The following CELF4 variants were observed in gnomAD, a reference collection of about 807,000 sequenced individuals.
CELF4 encodes CUGBP Elav-like family member 4, also known as CUG-BP- and ETR-3-like factor 4.
CELF4 carries 18 observed loss-of-function variants against 59.9 expected under a neutral mutation model. That is an observed-to-expected ratio of 0.30 (90% CI 0.21 to 0.45). The LOEUF (loss-of-function observed/expected upper bound fraction) is 0.45. Ranked by LOEUF, CELF4 falls within the 20% of genes least tolerant of loss-of-function variation. The probability of loss-of-function intolerance (pLI) is 1.00; values close to 1 mark genes in which losing one functional copy is unlikely to be tolerated. For missense variants in CELF4, 456 were observed against 689.0 expected, an observed-to-expected ratio of 0.66 and a Z score of 3.79; for synonymous variants, 261 against 267.1, an observed-to-expected ratio of 0.98 and a Z score of 0.22.
At chr18:37,265,075 C>T (rs557545504) in intron 9 of CELF4, among the ~76,000 whole-genome samples, 22 of 144,718 alleles carry the variant, frequency 1.5e-4, no homozygotes, top group Non-Finnish European at 2.5e-4. Flanking sequence ...TGTGGGTGTA[C>T]GTGTGTGTAC....
At chr18:37,427,036 A>AG (rs1301194063) in intron 2 of CELF4, among the ~76,000 whole-genome samples, 1 of 40,574 alleles carries the variant, frequency 2.5e-5, no homozygotes, top group Non-Finnish European at 5.7e-5. Flanking sequence ...CAGCAGGGAC[A>AG]CGGGGGGGGG....
At chr18:37,276,835 GT>G in intron 3 of CELF4, among the ~76,000 whole-genome samples, 1 of 152,338 alleles carries the variant, frequency 6.6e-6, no homozygotes, top group African/African-American at 2.4e-5. Context: ...CTCGCTAGAT[GT>G]TTGTGGATGA....
rs58900107 is a variant in CELF4 at position 37,434,410 on chromosome 18, C to G, written c.369+51115G>C. Among the ~76,000 whole-genome samples the G allele has an allele frequency of 2.4e-3, 360 of 152,296 alleles. 3 individuals are homozygous for G. The highest frequency in any genetic ancestry group is 7.6e-3 in the African/African-American group (317 of 41,558). ...AAGGACCGGAAGCCCAGAGCTAATT[C>G]TGCGGCTTGTTGGTCAGGGGCTGGT... On this transcript the variant is annotated intron_variant, in intron 2 of 12. Coordinates refer to ENST00000420428, the MANE Select transcript of CELF4 (RefSeq NM_020180.4).
intron 2 of CELF4, among the ~76,000 whole-genome samples, chr18:37,454,659 C>A (rs759211381): frequency 6.6e-6 from 1 of 152,130 alleles, no homozygotes; most frequent in Non-Finnish European, 1.5e-5. Flanking sequence ...AATGTCCATC[C>A]GGCATCAGGA....
intron 1 of CELF4, among the ~76,000 whole-genome samples, chr18:37,533,856 G>A (rs1353514388): frequency 6.6e-6 from 1 of 152,210 alleles, no homozygotes; most frequent in Non-Finnish European, 1.5e-5. Context: ...CTCTGACTTG[G>A]AAGGAAACCT....
At chr18:37,531,602 G>A (rs371012839) in intron 1 of CELF4, among the ~76,000 whole-genome samples, 99 of 152,148 alleles carry the variant, frequency 6.5e-4, no homozygotes, top group African/African-American at 1.9e-3. Flanking sequence ...TTGTTTTAAC[G>A]GCAAAACCTT....
At chr18:37,348,878 G>A (rs1041911118) in intron 2 of CELF4, among the ~76,000 whole-genome samples, 1 of 152,104 alleles carries the variant, frequency 6.6e-6, no homozygotes, top group Non-Finnish European at 1.5e-5. Context: ...GGCCACCCTG[G>A]GGCTGCTTAG....
chr18:37,549,458 G>A (rs1043220391), intron 1 of CELF4, among the ~76,000 whole-genome samples: 11 of 152,186 alleles, frequency 7.2e-5, no homozygotes, highest in Non-Finnish European at 1.3e-4. Flanking sequence ...CTGCCTGCCT[G>A]GTCAGCAGGT....
intron 1 of CELF4, among the ~76,000 whole-genome samples, chr18:37,509,206 A>G (rs1438614925): frequency 2.0e-5 from 3 of 152,224 alleles, no homozygotes; most frequent in Non-Finnish European, 2.9e-5. Context: ...AAAGATTAGC[A>G]CCTGCAACCA....
intron 2 of CELF4, among the ~76,000 whole-genome samples, chr18:37,449,479 G>T (rs942849372): frequency 4.6e-5 from 7 of 152,140 alleles, no homozygotes; most frequent in Non-Finnish European, 7.3e-5. Context: ...AGCTTGCAGG[G>T]TTCTTTGAGA....
intron 2 of CELF4, among the ~76,000 whole-genome samples, chr18:37,403,950 C>A (rs1421632778): frequency 6.6e-6 from 1 of 152,194 alleles, no homozygotes; most frequent in Non-Finnish European, 1.5e-5. Flanking sequence ...GTGCCCATGG[C>A]TGGCTTTGGC....
chr18:37,266,403 C>T, intron 9 of CELF4, 130 bp downstream of exon 9: 1 of 970,466 alleles, frequency 1.0e-6, no homozygotes, highest in Admixed American at 2.0e-5. Flanking sequence ...CCAGCACAGC[C>T]CTCCCTCTTT....
chr18:37,268,621 C>T (rs553704870), intron 8 of CELF4, among the ~76,000 whole-genome samples: 2 of 152,144 alleles, frequency 1.3e-5, no homozygotes, highest in Admixed American at 1.3e-4. Context: ...CAAGAGCCAC[C>T]CCTTCAAGGG....
rs73431216 is a variant in CELF4, at chr18:37,422,409, C to G, written c.369+63116G>C. On this transcript the variant is annotated intron_variant, in intron 2 of 12. Coordinates refer to ENST00000420428, the MANE Select transcript of CELF4 (RefSeq NM_020180.4). ...AGGAGGAGCTGATTGGCTCCCAGCT[C>G]CCCTCCCCCAGCACACTTGTAGCTT... 2.4e-3 allele frequency among the ~76,000 whole-genome samples: 368 copies of G among 152,320 alleles called. 2 individuals are homozygous for G. Among genetic ancestry groups the G allele is most frequent in the African/African-American group, 8.0e-3 (332 of 41,578 alleles).
At chr18:37,428,452 T>A (rs1340768545) in intron 2 of CELF4, among the ~76,000 whole-genome samples, 1 of 152,110 alleles carries the variant, frequency 6.6e-6, no homozygotes, top group South Asian at 2.1e-4. Flanking sequence ...GAGAGGTTTT[T>A]CTATGGGAGT....
chr18:37,438,475 C>G (rs566608572), intron 2 of CELF4, among the ~76,000 whole-genome samples: 1 of 152,236 alleles, frequency 6.6e-6, no homozygotes, highest in East Asian at 1.9e-4. Flanking sequence ...GACACTGAGA[C>G]CCAGGGTTGG....
At position 37,274,400 on chromosome 18, in the gene CELF4, T is replaced by A; in HGVS notation, c.712A>T (p.Met238Leu). The A allele has an allele frequency of 6.2e-7, 1 of 1,613,548 alleles. No individual in the cohort carries two copies. The highest frequency in any genetic ancestry group is 8.5e-7 in the Non-Finnish European group (1 of 1,179,972). ...CCAGCCATCTGCTGCATTCGCCGCA[T>A]CGTGCGCTCCTTGTCGGTGTCGGCG... ...KFADTDKERT[M>L]RRMQQMAGQM... The change falls in exon 6 of 13, where the codon ATG (methionine) becomes TTG (leucine). Residue 238 changes from methionine to leucine, a missense_variant. Physicochemically the swap from Met to Leu is conservative, Grantham distance 15. Transcript: ENST00000420428.
intron 3 of CELF4, among the ~76,000 whole-genome samples, chr18:37,284,932 T>C (rs2154397005): frequency 6.6e-6 from 1 of 152,336 alleles, no homozygotes; most frequent in African/African-American, 2.4e-5. Context: ...GAGCTGAGCT[T>C]TGAGGGTCTT....
At chr18:37,525,507 T>A (rs973751698) in intron 1 of CELF4, among the ~76,000 whole-genome samples, 1 of 150,676 alleles carries the variant, frequency 6.6e-6, no homozygotes, top group Non-Finnish European at 1.5e-5. Flanking sequence ...AGGTTTGCGC[T>A]GTAGGGTGTA....
Sources: gnomAD v4.1 joint callset for allele counts (sites outside exome capture counted in the v4.1 genomes callset) on GRCh38, gnomAD v4.1.1 for gene constraint, MANE v1.5 for transcripts, NCBI Gene and HGNC (gene_info 2026-07-23, HGNC 2026-07-21) for gene names.